Variants in SCN9A observed in about 807,000 individuals in gnomAD.
The protein encoded by SCN9A is sodium channel protein type 9 subunit alpha.
A neutral mutation model predicts 187.0 loss-of-function variants in SCN9A; 131 were observed. The observed-to-expected ratio is 0.70, with a 90% CI of 0.61 to 0.81. SCN9A has a LOEUF of 0.81. Ranked by LOEUF, SCN9A falls within the 30% of genes least tolerant of loss-of-function variation. The pLI is 0.00. For synonymous variants in SCN9A, 809 were observed against 808.6 expected (o/e 1.00, Z -0.01); for missense variants, 2,252 against 2,396.6 (o/e 0.94, Z 1.26).
chr2:166,373,479 T>G (rs1476231035), intron 1 of SCN9A, among the ~76,000 whole-genome samples: 1 of 152,054 alleles, frequency 6.6e-6, no homozygotes, highest in Non-Finnish European at 1.5e-5. Context: ...TGACCTGAAC[T>G]AATTTGGTGG....
intron 11 of SCN9A, among the ~76,000 whole-genome samples, chr2:166,285,150 G>A (rs1697682117): frequency 2.0e-5 from 3 of 152,080 alleles, no homozygotes; most frequent in Admixed American, 1.3e-4. Flanking sequence ...AAAGAACTTA[G>A]TATTGCTACT....
At chr2:166,237,038 A>G (rs1695348361) in intron 20 of SCN9A, among the ~76,000 whole-genome samples, 1 of 152,184 alleles carries the variant, frequency 6.6e-6, no homozygotes, top group Non-Finnish European at 1.5e-5. Flanking sequence ...TTCCCTAAAC[A>G]CAAAGGTTAG....
chr2:166,199,732 G>A lies in SCN9A; in HGVS notation c.4907C>T (p.Ala1636Val). 1 of 1,614,080 alleles carries A rather than the reference G, an allele frequency of 6.2e-7. No homozygotes were observed. The highest frequency in any genetic ancestry group is 8.5e-7 in the Non-Finnish European group (1 of 1,180,018). Residue 1636 changes from alanine to valine, a missense_variant, in exon 27 of 27, where the codon GCT (alanine) becomes GTT (valine). Physicochemically the swap from Ala to Val is moderately conservative, Grantham distance 64 (BLOSUM62 0). Transcript: ENST00000642356. Reference sequence around the variant, plus strand: ...CAACGCAGGAAGGGACATCATCAAAGCAAAGAGCAGCGTGCGGATCCCCTT... The same window carrying A: ...CAACGCAGGAAGGGACATCATCAAAACAAAGAGCAGCGTGCGGATCCCCTT... Reference protein sequence around the residue: ...GAKGIRTLLFALMMSLPALFN... With the variant: ...GAKGIRTLLFVLMMSLPALFN...
At chr2:166,241,270 G>C (rs1558976051) in intron 19 of SCN9A, among the ~76,000 whole-genome samples, 1 of 151,922 alleles carries the variant, frequency 6.6e-6, no homozygotes, top group Non-Finnish European at 1.5e-5. Flanking sequence ...GCTTCTAATG[G>C]CTCATCTCTG....
chr2:166,328,067 C>T (rs1156507903), intron 1 of SCN9A, among the ~76,000 whole-genome samples: 2 of 152,126 alleles, frequency 1.3e-5, no homozygotes, highest in Non-Finnish European at 2.9e-5. Context: ...TGTAACATTG[C>T]TTGGAACAAA....
intron 26 of SCN9A, among the ~76,000 whole-genome samples, chr2:166,200,254 C>A (rs184239084): frequency 3.6e-4 from 55 of 151,668 alleles, no homozygotes; most frequent in African/African-American, 1.3e-3. Flanking sequence ...GCCTCGGCCT[C>A]CCAAAGTGCT....
At chr2:166,365,583 T>C (rs1362165699) in intron 1 of SCN9A, among the ~76,000 whole-genome samples, 2 of 152,242 alleles carry the variant, frequency 1.3e-5, no homozygotes, top group Non-Finnish European at 2.9e-5. Flanking sequence ...GCTGGTTTTC[T>C]TGCTTCTCCT....
chr2:166,358,911 T>C (rs1365005345), intron 1 of SCN9A, among the ~76,000 whole-genome samples: 1 of 152,210 alleles, frequency 6.6e-6, no homozygotes, highest in Non-Finnish European at 1.5e-5. Flanking sequence ...TTTAAATATT[T>C]GATTCCACTA....
intron 1 of SCN9A, among the ~76,000 whole-genome samples, chr2:166,355,514 T>C (rs1278263395): frequency 6.6e-6 from 1 of 152,128 alleles, no homozygotes; most frequent in Non-Finnish European, 1.5e-5. Flanking sequence ...GGATTGTGTG[T>C]GTGTGTGGGT....
chr2:166,325,995 C>T (rs1399301991), intron 1 of SCN9A, among the ~76,000 whole-genome samples: 1 of 152,056 alleles, frequency 6.6e-6, no homozygotes. Flanking sequence ...AGAAATATGT[C>T]ATCAGGAGAG....
At chr2:166,324,210 T>A (rs1699309969) in intron 1 of SCN9A, among the ~76,000 whole-genome samples, 1 of 151,810 alleles carries the variant, frequency 6.6e-6, no homozygotes, top group South Asian at 2.1e-4. Flanking sequence ...GGAGAATTAC[T>A]TGAACCCAGC....
intron 26 of SCN9A, among the ~76,000 whole-genome samples, chr2:166,201,298 A>G (rs932114842): frequency 2.0e-5 from 3 of 147,918 alleles, no homozygotes. Context: ...ATATACATAT[A>G]CTAAGTATAC....
Position 166,222,941 on chromosome 2 carries a change from AC to A in SCN9A, c.4398+3625del, listed in dbSNP as rs369548191. 2.9e-3 allele frequency among the ~76,000 whole-genome samples: 282 copies of A among 96,372 alleles called. 15 individuals carry two copies. Among genetic ancestry groups the A allele is most frequent in the African/African-American group, 7.8e-3 (168 of 21,532 alleles). The allele number at this position is 96,372 out of a possible 152,430, so 63.2% of individuals were successfully genotyped here. A position where few individuals can be genotyped will look rare whatever the true frequency, so the allele number is the denominator to read the frequency against. Reference sequence around the variant, plus strand: ...GCGAAACTCCGTCTCAAAAAAAAAAACAACAAAAAAAAAAAAAAAAAAAAAA... The same window carrying A: ...GCGAAACTCCGTCTCAAAAAAAAAAAAACAAAAAAAAAAAAAAAAAAAAAA... On this transcript the variant is annotated intron_variant, in intron 24 of 26. Transcript: ENST00000642356.
chr2:166,288,808 T>A (rs1032153943), intron 9 of SCN9A, among the ~76,000 whole-genome samples, 165 bp from the exon 10 acceptor site: 8 of 152,302 alleles, frequency 5.3e-5, no homozygotes, highest in Admixed American at 5.2e-4. Context: ...TAAACACATT[T>A]TCAGTACGAA....
chr2:166,274,889 CTCTT>C (rs1467455106), intron 16 of SCN9A, among the ~76,000 whole-genome samples: 6 of 152,296 alleles, frequency 3.9e-5, no homozygotes, highest in East Asian at 1.9e-4. Flanking sequence ...CAATCTAGAA[CTCTT>C]TCTTTAAGTG....
intron 19 of SCN9A, among the ~76,000 whole-genome samples, chr2:166,238,672 C>G (rs908181745): frequency 6.6e-6 from 1 of 152,044 alleles, no homozygotes; most frequent in Admixed American, 6.5e-5. Flanking sequence ...TTTTCCCCAC[C>G]AGTAGGATGT....
chr2:166,199,361 G>A lies in SCN9A; in HGVS notation c.5278C>T (p.Leu1760=), dbSNP rs367959290. The A allele has an allele frequency of 9.3e-6, 15 of 1,614,144 alleles. No homozygotes were observed. The highest frequency in any genetic ancestry group is 1.3e-5 in the Non-Finnish European group (15 of 1,180,030). ...VVVNMYIAVI[L]ENFSVATEES... is the part of the protein sequence containing the mutation. ...TCAGTGGCAACACTAAAATTCTCCA[G>A]TATGACTGCAATGTACATGTTCACC... The change falls in exon 27 of 27, where the codon CTG becomes TTG. Residue 1760 remains leucine (L), a synonymous_variant. Coordinates refer to ENST00000642356, the MANE Select transcript of SCN9A (RefSeq NM_001365536.1).
At chr2:166,253,833 AC>A (rs1345370837) in intron 17 of SCN9A, among the ~76,000 whole-genome samples, 6 of 151,470 alleles carry the variant, frequency 4.0e-5, no homozygotes, top group African/African-American at 1.2e-4. Flanking sequence ...AATACAAAGC[AC>A]CCCCCTGCTA....
In SCN9A at chr2:166,304,383, C is replaced by T. The variant is rs1293727712; in HGVS notation, c.597-54G>A. ...ATTTAGATAGAGTCTATGATACTTACCTGAGCCTTTAGTCAAGGTATTTTC... is the reference window on the plus strand; with the variant it reads ...ATTTAGATAGAGTCTATGATACTTATCTGAGCCTTTAGTCAAGGTATTTTC... On this transcript the variant is annotated intron_variant, in intron 5 of 26. Coordinates refer to ENST00000642356, the MANE Select transcript of SCN9A (RefSeq NM_001365536.1). The T allele has an allele frequency of 2.7e-6, 4 of 1,475,672 alleles. No individual in the cohort carries two copies. The African/African-American group carries it at 4.2e-5, about 15-fold the overall frequency. The allele number at this position is 1,475,672 out of a possible 1,614,324, so 91.4% of individuals were successfully genotyped here. A position where few individuals can be genotyped will look rare whatever the true frequency, so the allele number is the denominator to read the frequency against.
Sources: gnomAD v4.1 joint callset for allele counts (sites outside exome capture counted in the v4.1 genomes callset) on GRCh38, gnomAD v4.1.1 for gene constraint, MANE v1.5 for transcripts, NCBI Gene and HGNC (gene_info 2026-07-23, HGNC 2026-07-21) for gene names.